Variants in ADAM7 observed in about 807,000 individuals in gnomAD.
ADAM7 encodes the protein disintegrin and metalloproteinase domain-containing protein 7.
ADAM7 carries 97 observed loss-of-function variants against 102.9 expected under a neutral mutation model. The ratio of observed to expected loss-of-function variants is 0.94; its 90% CI spans 0.80 to 1.12. The LOEUF (loss-of-function observed/expected upper bound fraction) is 1.12, where lower values mean the gene tolerates loss of function less well. Ranked by LOEUF, ADAM7 falls within the 50% of genes most tolerant of loss-of-function variation. ADAM7 has a pLI of 0.00. For synonymous variants in ADAM7, 334 were observed against 304.4 expected (o/e 1.10, Z -1.01); for missense variants, 991 against 908.7 (o/e 1.09, Z -1.16).
chr8:24,464,935 C>T (rs13277695), intron 4 of ADAM7, among the ~76,000 whole-genome samples: 37,508 of 122,498 alleles, frequency 0.31, 4,993 homozygotes, highest in Middle Eastern at 0.43. Flanking sequence ...TACAGGCGCA[C>T]GCCACCGTGC....
chr8:24,473,085 G>A (rs1042845629), intron 7 of ADAM7, among the ~76,000 whole-genome samples: 6 of 152,056 alleles, frequency 3.9e-5, no homozygotes, highest in African/African-American at 1.4e-4. Flanking sequence ...AGCAAATAAA[G>A]ACACCAGGAG....
At chr8:24,507,341 G>T in intron 20 of ADAM7, 139 bp from the exon 21 acceptor site, 1 of 634,086 alleles carries the variant, frequency 1.6e-6, no homozygotes, top group Non-Finnish European at 2.8e-6. Flanking sequence ...AACTGTCTTG[G>T]ATTTTTCATG....
intron 2 of ADAM7, among the ~76,000 whole-genome samples, chr8:24,444,681 TAA>T (rs528819861): frequency 7.0e-6 from 1 of 143,520 alleles, no homozygotes. Flanking sequence ...GTCCAGATCG[TAA>T]AAAAAAAAAC....
rs752875517 is a variant in ADAM7, at chr8:24,465,714, C to A, written c.328C>A (p.Gln110Lys). 1.2e-6 allele frequency: 2 copies of A among 1,600,486 alleles called. No individual in the cohort carries two copies. The highest frequency in any genetic ancestry group is 2.3e-5 in the South Asian group (2 of 87,590). The stretch of plus-strand genomic sequence containing the variant: ...TCTATTTTAGGATCATTGTTTTTAC[C>A]AAGGATCCATAGTACACGAATATGA... ...HPQIMDHCFYQGSIVHEYDSA... is the reference protein window; with the variant it reads ...HPQIMDHCFYKGSIVHEYDSA... Residue 110 changes from glutamine to lysine, a missense_variant, in exon 5 of 22, where the codon CAA becomes AAA. Transcript: ENST00000175238.
intron 19 of ADAM7, 62 bp downstream of exon 19, chr8:24,500,957 G>C: frequency 7.1e-7 from 1 of 1,399,916 alleles, no homozygotes; most frequent in Admixed American, 1.7e-5. Flanking sequence ...TGTAAGCTTT[G>C]TGGTTATAGA....
In ADAM7 at chr8:24,441,046, G is replaced by A. The variant is rs942767562; in HGVS notation, c.-63G>A. 6.8e-7 allele frequency: 1 copy of A among 1,477,070 alleles called. No individual in the cohort carries two copies. Among genetic ancestry groups the A allele is most frequent in the African/African-American group, 1.4e-5 (1 of 71,934 alleles). The allele number at this position is 1,477,070 out of a possible 1,614,324, so 91.5% of individuals were successfully genotyped here. On this transcript the variant is annotated 5_prime_UTR_variant, in exon 1 of 22. Coordinates refer to ENST00000175238, the MANE Select transcript of ADAM7 (RefSeq NM_003817.4). Reference sequence around the variant, plus strand: ...GCTTCATCCCTGCAGTGGAAGTGAGGAGGAAGAAAGGTGAACTCCTTTTCT... The same window carrying A: ...GCTTCATCCCTGCAGTGGAAGTGAGAAGGAAGAAAGGTGAACTCCTTTTCT...
At chr8:24,455,209 T>C (rs1391240129) in intron 3 of ADAM7, among the ~76,000 whole-genome samples, 1 of 152,192 alleles carries the variant, frequency 6.6e-6, no homozygotes, top group Non-Finnish European at 1.5e-5. Context: ...CATATACATA[T>C]ACCCATAGAT....
chr8:24,482,190 T>A lies in ADAM7; in HGVS notation c.754T>A (p.Trp252Arg). The change falls in exon 9 of 22, where the codon TGG (tryptophan) becomes AGG (arginine). Residue 252 changes from tryptophan (W) to arginine (R), a missense_variant. Transcript: ENST00000175238. Reference protein sequence around the residue: ...IHVTLVGIEIWTHEDKIELYS... With the variant: ...IHVTLVGIEIRTHEDKIELYS... ...TGTGACGTTGGTTGGCATTGAAATATGGACACATGAAGATAAAATAGAACT... is the reference window on the plus strand; with the variant it reads ...TGTGACGTTGGTTGGCATTGAAATAAGGACACATGAAGATAAAATAGAACT... The A allele has an allele frequency of 6.2e-7, 1 of 1,603,422 alleles. No individual in the cohort carries two copies. Among genetic ancestry groups the A allele is most frequent in the Non-Finnish European group, 8.5e-7 (1 of 1,176,892 alleles).
intron 3 of ADAM7, among the ~76,000 whole-genome samples, chr8:24,450,125 C>T (rs11984836): frequency 0.044 from 6,670 of 152,082 alleles, 207 homozygotes; most frequent in African/African-American, 0.058. Flanking sequence ...ATTGACTTGG[C>T]GATGCGGGCT....
chr8:24,445,990 G>C (rs960864141), intron 2 of ADAM7, among the ~76,000 whole-genome samples: 2 of 152,018 alleles, frequency 1.3e-5, no homozygotes, highest in African/African-American at 4.8e-5. Context: ...ATGTGTGCTT[G>C]GTTATCCAGT....
At position 24,501,524 on chromosome 8, in the gene ADAM7, A is replaced by G. The variant is rs1376210895; in HGVS notation, c.2156A>G (p.Asp719Gly). ...LGVENKGYFG[D>G]EQQIRTEPIL... ...GTGGAGAACAAAGGATACTTTGGTG[A>G]TGAGCAGCAGATAAGGACTGAGCCA... is the stretch of plus-strand genomic sequence containing the variant. The change falls in exon 20 of 22, where the codon GAT becomes GGT. Residue 719 changes from aspartate (D) to glycine (G), a missense_variant. Physicochemically the swap from Asp to Gly is moderately conservative, Grantham distance 94 (BLOSUM62 -1). Transcript: ENST00000175238. The G allele has an allele frequency of 6.2e-7, 1 of 1,609,228 alleles. No individual in the cohort carries two copies. The highest frequency in any genetic ancestry group is 8.5e-7 in the Non-Finnish European group (1 of 1,178,416).
rs1039175471 is a variant in ADAM7 at position 24,500,978 on chromosome 8, TG to T, written c.2108+89del. 219 of 1,146,504 alleles carry T rather than the reference TG, an allele frequency of 1.9e-4. 2 individuals are homozygous for T. Among genetic ancestry groups the T allele is most frequent in the South Asian group, 1.5e-3 (103 of 69,728 alleles). 71.0% of individuals were successfully genotyped at this position (1,146,504 alleles called of 1,614,324 possible). On this transcript the variant is annotated intron_variant, in intron 19 of 21. Transcript: ENST00000175238. ...CTTTGTGGTTATAGAGGATATTCAA[TG>T]GGGGGAAGTATAAGCTTCTTACTGA...
chr8:24,442,390 T>C (rs1818404809), intron 1 of ADAM7, 83 bp from the exon 2 acceptor site: 14 of 920,790 alleles, frequency 1.5e-5, no homozygotes, highest in Non-Finnish European at 2.5e-5. Flanking sequence ...GCAAATGAAC[T>C]GTATTAGAAC....
At position 24,493,159 on chromosome 8, in the gene ADAM7, CTA is replaced by C. The variant is rs751580301; in HGVS notation, c.1774_1775del (p.Ile592PhefsTer5). ...AAGAATGCTACTGTCAAATGCAAAA[CTA>C]TTTTTTTATACCATGATTCTACAGA... is the stretch of plus-strand genomic sequence containing the variant. On this transcript the variant is annotated frameshift_variant, in exon 16 of 22. Coordinates refer to ENST00000175238, the MANE Select transcript of ADAM7 (RefSeq NM_003817.4). LOFTEE classifies it high-confidence loss of function. 6.2e-7 allele frequency: 1 copy of C among 1,613,364 alleles called. No individual in the cohort carries two copies. The highest frequency in any genetic ancestry group is 8.5e-7 in the Non-Finnish European group (1 of 1,179,642).
chr8:24,450,409 G>T (rs1818737233), intron 3 of ADAM7, among the ~76,000 whole-genome samples: 1 of 152,030 alleles, frequency 6.6e-6, no homozygotes, highest in South Asian at 2.1e-4. Context: ...TCTCTTTGAA[G>T]CATTTGTGAA....
chr8:24,491,693 C>G (rs1820361967), intron 13 of ADAM7, among the ~76,000 whole-genome samples: 1 of 152,078 alleles, frequency 6.6e-6, no homozygotes, highest in Admixed American at 6.6e-5. Context: ...GCTGTAATAC[C>G]AAACTTCAAA....
rs1286884323 is a variant in ADAM7 at position 24,509,393 on chromosome 8, T to C, written c.*847T>C. 1.0e-6 allele frequency: 1 copy of C among 985,362 alleles called. No homozygotes were observed. Among genetic ancestry groups the C allele is most frequent in the Non-Finnish European group, 1.2e-6 (1 of 829,944 alleles). 61.0% of individuals were successfully genotyped at this position (985,362 alleles called of 1,614,324 possible). ...TTACCCTGGGAATGATTTCAGCTGCTTCTTACACAGATGCCTCTCAAGGTG... is the reference window on the plus strand; with the variant it reads ...TTACCCTGGGAATGATTTCAGCTGCCTCTTACACAGATGCCTCTCAAGGTG... On this transcript the variant is annotated 3_prime_UTR_variant, in exon 22 of 22. Coordinates refer to ENST00000175238, the MANE Select transcript of ADAM7 (RefSeq NM_003817.4).
intron 3 of ADAM7, among the ~76,000 whole-genome samples, chr8:24,453,923 C>A (rs952685184): frequency 2.6e-4 from 40 of 152,352 alleles, no homozygotes; most frequent in African/African-American, 9.6e-4. Flanking sequence ...CCACTCCAGA[C>A]CTGTTTGCCT....
chr8:24,485,143 T>G, intron 9 of ADAM7, 134 bp from the exon 10 acceptor site: 1 of 774,240 alleles, frequency 1.3e-6, no homozygotes, highest in Non-Finnish European at 2.1e-6. Context: ...CAGCCTCAAT[T>G]CCAAAACTCC....
Sources: gnomAD v4.1 joint callset for allele counts (sites outside exome capture counted in the v4.1 genomes callset) on GRCh38, gnomAD v4.1.1 for gene constraint, MANE v1.5 for transcripts, NCBI Gene and HGNC (gene_info 2026-07-23, HGNC 2026-07-21) for gene names.